The following OCA2 variants were observed in gnomAD, a reference collection of about 807,000 sequenced individuals.
The protein encoded by OCA2 is P protein.
OCA2 carries 77 observed loss-of-function variants against 100.2 expected under a neutral mutation model. That is an observed-to-expected ratio of 0.77 (90% CI 0.64 to 0.93). The LOEUF (loss-of-function observed/expected upper bound fraction) is 0.93. Ranked by LOEUF, OCA2 falls within the 40% of genes least tolerant of loss-of-function variation. OCA2 has a pLI of 0.00. For synonymous variants in OCA2, 432 were observed against 439.2 expected (o/e 0.98, Z 0.21); for missense variants, 1,062 against 1,089.1 (o/e 0.98, Z 0.35).
chr15:28,000,556 T>C (rs2041895052), intron 9 of OCA2, among the ~76,000 whole-genome samples: 1 of 152,138 alleles, frequency 6.6e-6, no homozygotes, highest in Admixed American at 6.5e-5. Flanking sequence ...GTCTTGACAA[T>C]GATTTTTTGG....
chr15:28,017,724 T>A (rs1653311556), intron 7 of OCA2, among the ~76,000 whole-genome samples: 1 of 151,828 alleles, frequency 6.6e-6, no homozygotes, highest in African/African-American at 2.4e-5. Flanking sequence ...ATGGGCGGGG[T>A]TTCCCTCTAC....
chr15:27,722,157 C>T, the OCA2 span, among the ~76,000 whole-genome samples: 4 of 152,184 alleles, frequency 2.6e-5, no homozygotes, highest in Non-Finnish European at 5.9e-5. Context: ...GAATGTGTGC[C>T]GTTCAGTGAA....
At chr15:27,865,063 T>C (rs12324824) in intron 21 of OCA2, among the ~76,000 whole-genome samples, 10,708 of 151,860 alleles carry the variant, frequency 0.071, 831 homozygotes, top group African/African-American at 0.19. Context: ...GTGAACAGAG[T>C]TCACCTGTTG....
chr15:27,872,113 G>A (rs1595553069), intron 19 of OCA2, among the ~76,000 whole-genome samples, 191 bp from the exon 20 acceptor site: 1 of 152,166 alleles, frequency 6.6e-6, no homozygotes, highest in African/African-American at 2.4e-5. Flanking sequence ...AAGATTCATG[G>A]AGAAAAAGTC....
At chr15:27,839,013 T>C (rs1225084231) in intron 23 of OCA2, among the ~76,000 whole-genome samples, 1 of 152,044 alleles carries the variant, frequency 6.6e-6, no homozygotes, top group Non-Finnish European at 1.5e-5. Context: ...AAAAAATGAA[T>C]GATGTTATAT....
At chr15:27,980,767 T>C (rs895647132) in intron 14 of OCA2, among the ~76,000 whole-genome samples, 6 of 152,230 alleles carry the variant, frequency 3.9e-5, no homozygotes, top group African/African-American at 1.4e-4. Flanking sequence ...CTCTGTTTCC[T>C]CGCCTGTAAC....
chr15:28,003,804 C>G (rs2042003380), intron 9 of OCA2, among the ~76,000 whole-genome samples: 1 of 152,220 alleles, frequency 6.6e-6, no homozygotes. Context: ...CTCGCGTCCT[C>G]GATCTGGGTG....
chr15:28,027,781 C>T (rs2141346220), intron 4 of OCA2, 90 bp downstream of exon 4: 2 of 1,351,568 alleles, frequency 1.5e-6, no homozygotes, highest in East Asian at 2.4e-5. Context: ...TCCTCTTCTT[C>T]ACGCTGCTGG....
intron 14 of OCA2, among the ~76,000 whole-genome samples, chr15:27,979,816 C>T (rs1217282667): frequency 6.6e-6 from 1 of 150,966 alleles, no homozygotes; most frequent in Non-Finnish European, 1.5e-5. Context: ...CCTTCTGCCT[C>T]AGCCTCCTGA....
chr15:28,003,843 C>T (rs979104359), intron 9 of OCA2, among the ~76,000 whole-genome samples: 2 of 152,214 alleles, frequency 1.3e-5, no homozygotes, highest in Non-Finnish European at 2.9e-5. Flanking sequence ...CAAGGGCCAC[C>T]CCACGAACCC....
the OCA2 span, among the ~76,000 whole-genome samples, chr15:27,742,841 T>A: frequency 6.6e-6 from 1 of 152,142 alleles, no homozygotes; most frequent in Non-Finnish European, 1.5e-5. Flanking sequence ...GCAGCACACA[T>A]GGCCGTGGCC....
At chr15:28,089,267 A>G (rs980262322) in intron 1 of OCA2, among the ~76,000 whole-genome samples, 11 of 152,158 alleles carry the variant, frequency 7.2e-5, no homozygotes, top group Non-Finnish European at 1.5e-4. Flanking sequence ...AGTTAACGCA[A>G]TCATCACAGG....
chr15:27,736,499 A>T, the OCA2 span, among the ~76,000 whole-genome samples: 1 of 152,242 alleles, frequency 6.6e-6, no homozygotes, highest in African/African-American at 2.4e-5. Flanking sequence ...TGGAGTTTTC[A>T]GTAGTCTCTT....
At chr15:27,736,514 C>A in the OCA2 span, among the ~76,000 whole-genome samples, 1 of 152,124 alleles carries the variant, frequency 6.6e-6, no homozygotes, top group Non-Finnish European at 1.5e-5. Flanking sequence ...TCTCTTGGGG[C>A]TAGAAAAATA....
At chr15:27,860,540 G>C (rs1186788768) in intron 21 of OCA2, among the ~76,000 whole-genome samples, 7 of 152,186 alleles carry the variant, frequency 4.6e-5, no homozygotes, top group Admixed American at 2.0e-4. Flanking sequence ...TTACAAGTGA[G>C]AACATGTAAT....
chr15:27,847,357 C>T (rs1253256315), intron 22 of OCA2, among the ~76,000 whole-genome samples: 6 of 152,246 alleles, frequency 3.9e-5, no homozygotes, highest in African/African-American at 1.4e-4. Flanking sequence ...CCTCCCCTCA[C>T]AGGATGGCTT....
intron 19 of OCA2, among the ~76,000 whole-genome samples, chr15:27,907,350 A>G (rs1211454508): frequency 6.6e-6 from 1 of 152,250 alleles, no homozygotes; most frequent in Non-Finnish European, 1.5e-5. Flanking sequence ...AAAACACTAC[A>G]TATCAAAATT....
the OCA2 span, among the ~76,000 whole-genome samples, chr15:27,740,722 C>G: frequency 1.3e-5 from 2 of 152,132 alleles, no homozygotes; most frequent in Non-Finnish European, 2.9e-5. Context: ...CAGATCCTGC[C>G]TGAAGAAGCA....
intron 23 of OCA2, chr15:27,776,618 T>G (rs1158648661): frequency 6.6e-6 from 1 of 152,352 alleles, no homozygotes; most frequent in Non-Finnish European, 1.5e-5. Flanking sequence ...CTGAGGCACC[T>G]GTCCTCTGAG....
Sources: gnomAD v4.1 joint callset for allele counts (sites outside exome capture counted in the v4.1 genomes callset) on GRCh38, gnomAD v4.1.1 for gene constraint, MANE v1.5 for transcripts, NCBI Gene and HGNC (gene_info 2026-07-23, HGNC 2026-07-21) for gene names.